The following YWHAE variants were observed in gnomAD, a reference collection of about 807,000 sequenced individuals.
YWHAE encodes the protein 14-3-3 protein epsilon.
In YWHAE, 4 loss-of-function variants were observed where a neutral mutation model predicts 30.1. The ratio of observed to expected loss-of-function variants is 0.13; its 90% CI spans 0.07 to 0.30. The LOEUF is 0.30. Ranked by LOEUF, YWHAE falls within the 10% of genes least tolerant of loss-of-function variation. The pLI is 1.00. For missense variants in YWHAE, 121 were observed against 315.9 expected (o/e 0.38, Z 4.68); for synonymous variants, 118 against 111.8 (o/e 1.06, Z -0.35).
intron 1 of YWHAE, among the ~76,000 whole-genome samples, chr17:1,373,622 C>T (rs1422213248): frequency 2.6e-5 from 4 of 151,202 alleles, no homozygotes; most frequent in Non-Finnish European, 5.9e-5. Context: ...GAGTAGAGAT[C>T]GTGGCACTGC....
intron 1 of YWHAE, among the ~76,000 whole-genome samples, chr17:1,387,904 G>T (rs180707316): frequency 6.7e-6 from 1 of 148,570 alleles, no homozygotes; most frequent in East Asian, 2.0e-4. Flanking sequence ...GGGATTACAG[G>T]AGTGAGCCAC....
intron 1 of YWHAE, among the ~76,000 whole-genome samples, chr17:1,369,134 T>C (rs960877268): frequency 1.3e-5 from 2 of 152,222 alleles, no homozygotes; most frequent in Admixed American, 6.5e-5. Flanking sequence ...GGTAAAATTA[T>C]AGAAGCAACA....
intron 5 of YWHAE, among the ~76,000 whole-genome samples, chr17:1,347,563 G>GA (rs2150835282): frequency 6.6e-6 from 1 of 151,772 alleles, no homozygotes; most frequent in East Asian, 1.9e-4. Flanking sequence ...ATATGCAAAG[G>GA]CAAAAAAAAA....
Position 1,365,631 on chromosome 17 carries a change from C to A in YWHAE, c.65-573G>T, listed in dbSNP as rs571863542. Among the ~76,000 whole-genome samples, 12 of 152,172 alleles carry A rather than the reference C, an allele frequency of 7.9e-5. No individual in the cohort carries two copies. In the East Asian group the frequency reaches 1.4e-3, roughly 17 times the overall value. ...ACTAGGTGGCGAGCAAAGAAAGGGG[C>A]CCAGAAAAGCCTTGGCATCTACCGC... On this transcript the variant is annotated intron_variant, in intron 1 of 5. Coordinates refer to ENST00000264335, the MANE Select transcript of YWHAE (RefSeq NM_006761.5).
chr17:1,346,670 C>G (rs1450427456), intron 5 of YWHAE, among the ~76,000 whole-genome samples: 1 of 152,192 alleles, frequency 6.6e-6, no homozygotes. Flanking sequence ...CTCAGCAACA[C>G]AGTGAAGCCC....
chr17:1,390,361 T>C (rs2150876247), intron 1 of YWHAE, among the ~76,000 whole-genome samples: 1 of 152,322 alleles, frequency 6.6e-6, no homozygotes, highest in East Asian at 1.9e-4. Flanking sequence ...TATTTCTTTG[T>C]GCATATCTTA....
chr17:1,361,619 A>T (rs1313878785), intron 3 of YWHAE: 23 of 421,314 alleles, frequency 5.5e-5, no homozygotes, highest in Non-Finnish European at 7.9e-5. Flanking sequence ...ACAGTTTATT[A>T]ATCATAAAAT....
chr17:1,386,779 C>G (rs1271074106), intron 1 of YWHAE, among the ~76,000 whole-genome samples: 2 of 152,004 alleles, frequency 1.3e-5, no homozygotes, highest in Non-Finnish European at 2.9e-5. Flanking sequence ...GTGAAACACC[C>G]GTCTCTACTG....
intron 2 of YWHAE, chr17:1,364,657 C>T: frequency 1.6e-6 from 1 of 634,054 alleles, no homozygotes; most frequent in Non-Finnish European, 2.7e-6. Context: ...AAACCTGATA[C>T]AGACTATGTT....
intron 1 of YWHAE, among the ~76,000 whole-genome samples, chr17:1,376,532 G>A (rs1380697581): frequency 1.3e-5 from 2 of 152,080 alleles, no homozygotes; most frequent in South Asian, 2.1e-4. Flanking sequence ...GGGAGTCTTT[G>A]TATGTTGCCC....
intron 2 of YWHAE, 119 bp downstream of exon 2, chr17:1,364,740 A>G: frequency 8.2e-7 from 1 of 1,223,824 alleles, no homozygotes; most frequent in Non-Finnish European, 1.2e-6. Flanking sequence ...GAAACATTAT[A>G]ACATACTGTA....
At chr17:1,377,224 T>C (rs1280818944) in intron 1 of YWHAE, among the ~76,000 whole-genome samples, 4 of 152,104 alleles carry the variant, frequency 2.6e-5, no homozygotes, top group Non-Finnish European at 5.9e-5. Flanking sequence ...CTAATCCTGA[T>C]TTTAAGGGCA....
intron 5 of YWHAE, among the ~76,000 whole-genome samples, chr17:1,349,137 T>C (rs1312281578): frequency 2.0e-5 from 3 of 151,872 alleles, no homozygotes; most frequent in Non-Finnish European, 4.4e-5. Context: ...GGTTAGGAGA[T>C]TGAGACCATC....
chr17:1,354,106 TCTAAA>T (rs2072686940), intron 5 of YWHAE, 100 bp downstream of exon 5: 7 of 1,414,736 alleles, frequency 4.9e-6, no homozygotes, highest in Non-Finnish European at 6.6e-6. Context: ...AGGCGGTGAA[TCTAAA>T]TTCTAGCTTG....
intron 2 of YWHAE, among the ~76,000 whole-genome samples, chr17:1,363,038 A>T (rs2072887670): frequency 6.6e-6 from 1 of 151,948 alleles, no homozygotes. Context: ...AACCCACCCA[A>T]TACCTGAGAT....
chr17:1,363,894 C>T (rs1303940388), intron 2 of YWHAE, among the ~76,000 whole-genome samples: 1 of 152,052 alleles, frequency 6.6e-6, no homozygotes, highest in East Asian at 1.9e-4. Context: ...GCACTCCCGA[C>T]AGTTTGTTGT....
chr17:1,387,779 C>T (rs114885817), intron 1 of YWHAE, among the ~76,000 whole-genome samples: 2,617 of 151,530 alleles, frequency 0.017, 73 homozygotes, highest in African/African-American at 0.06. Context: ...CACGCCACCA[C>T]GCCCGTCTAA....
In YWHAE at chr17:1,354,303, G is replaced by C; in HGVS notation, c.623C>G (p.Thr208Arg). 1 of 1,614,002 alleles carries C rather than the reference G, an allele frequency of 6.2e-7. No individual in the cohort carries two copies. Among genetic ancestry groups the C allele is most frequent in the Non-Finnish European group, 8.5e-7 (1 of 1,179,970 alleles). Residue 208 changes from threonine (T) to arginine (R), a missense_variant, in exon 5 of 6, where the codon ACG becomes AGG. By Grantham distance (71) the Thr-to-Arg change is moderately conservative. Transcript: ENST00000264335. ...AFDDAIAELDTLSEESYKDST... is the reference protein window; with the variant it reads ...AFDDAIAELDRLSEESYKDST... ...GTCCTTATAGCTTTCTTCACTCAGC[G>C]TATCCAGTTCTGCAATTGCATCATC...
At chr17:1,398,801 C>T (rs1421855819) in intron 1 of YWHAE, 1 of 152,060 alleles carries the variant, frequency 6.6e-6, no homozygotes, top group Non-Finnish European at 1.5e-5. Flanking sequence ...AATGGACATT[C>T]GATGAAGTTC....
Sources: allele counts gnomAD v4.1 joint callset (sites outside exome capture counted in the v4.1 genomes callset), GRCh38; gene constraint gnomAD v4.1.1; transcripts MANE v1.5; gene names NCBI Gene and HGNC (gene_info 2026-07-23, HGNC 2026-07-21).